Variants in FGF13 observed in about 807,000 individuals in gnomAD.
FGF13 encodes fibroblast growth factor 13, also known as fibroblast growth factor homologous factor 2.
FGF13 carries 2 observed loss-of-function variants against 19.5 expected under a neutral mutation model. The ratio of observed to expected loss-of-function variants is 0.10; its 90% CI spans 0.04 to 0.32. The LOEUF is 0.32. FGF13 is among the 10% of genes least tolerant of loss of function. The pLI, the probability that FGF13 is intolerant of heterozygous loss-of-function variation, is 1.00. For missense variants in FGF13, 113 were observed against 192.7 expected, an observed-to-expected ratio of 0.59 and a Z score of 2.45; for synonymous variants, 72 against 76.9, an observed-to-expected ratio of 0.94 and a Z score of 0.33.
chrX:138,711,880 C>T (rs1290723717), upstream of FGF13, among the ~76,000 whole-genome samples: 8 of 107,473 alleles, frequency 7.4e-5, no homozygotes, highest in African/African-American at 2.7e-4. Flanking sequence ...CGCACTGCCC[C>T]AGTCGTCCAA....
In FGF13 at chrX:138,622,041, T is replaced by C. The variant is rs1000005691; in HGVS notation, c.*10809A>G. 2.9e-5 allele frequency: 3 copies of C among 102,185 alleles called. No homozygotes were observed. Among genetic ancestry groups the C allele is most frequent in the Non-Finnish European group, 4.0e-5 (2 of 50,606 alleles). The allele number at this position is 102,185 out of a possible 1,213,427, so 8.4% of individuals were successfully genotyped here. A position where few individuals can be genotyped will look rare whatever the true frequency, so the allele number is the denominator to read the frequency against. On this transcript the variant is annotated 3_prime_UTR_variant, in exon 5 of 5. Transcript: ENST00000315930. ...ACATTTAAAGAAAATCTAATATCAA[T>C]CCTTCTCAAATCTTCCAAAAAAAAA... is the stretch of plus-strand genomic sequence containing the variant.
chrX:138,969,995 C>T (rs1397588690), intron 1 of FGF13, among the ~76,000 whole-genome samples: 2 of 111,296 alleles, frequency 1.8e-5, no homozygotes, highest in Admixed American at 9.5e-5. Context: ...GTACACACCC[C>T]GGATGCTATG....
chrX:139,060,771 A>G (rs1349186379), intron 1 of FGF13, among the ~76,000 whole-genome samples: 1 of 111,335 alleles, frequency 9.0e-6, no homozygotes, highest in African/African-American at 3.3e-5. Context: ...TTTGGAGAAC[A>G]TATTATTTAC....
chrX:138,853,692 T>A (rs748616832), downstream of FGF13, among the ~76,000 whole-genome samples: 6 of 110,041 alleles, frequency 5.5e-5, no homozygotes, highest in Non-Finnish European at 9.5e-5. Flanking sequence ...CTCAAATGCC[T>A]GATAAAAAGA....
chrX:138,811,107 A>G (rs755375471), intron 3 of FGF13, among the ~76,000 whole-genome samples: 1 of 112,310 alleles, frequency 8.9e-6, no homozygotes, highest in South Asian at 3.7e-4. Context: ...ATATACTCAA[A>G]GGATTATAAA....
intron 1 of FGF13, among the ~76,000 whole-genome samples, chrX:139,016,253 T>A (rs1870239305): frequency 8.9e-6 from 1 of 112,074 alleles, no homozygotes; most frequent in Admixed American, 9.5e-5. Flanking sequence ...TTCAAAATAA[T>A]ATCTGTTTGC....
intron 1 of FGF13, among the ~76,000 whole-genome samples, chrX:138,935,549 T>G (rs777255065): frequency 8.9e-6 from 1 of 112,205 alleles, no homozygotes; most frequent in Non-Finnish European, 1.9e-5. Context: ...ATTAAAGGCT[T>G]TGAATGCTCA....
At chrX:138,897,122 A>T (rs2091508318) in intron 1 of FGF13, among the ~76,000 whole-genome samples, 3 of 111,137 alleles carry the variant, frequency 2.7e-5, no homozygotes, top group African/African-American at 9.8e-5. Context: ...ACATTCTTCC[A>T]CCTCAGCCTC....
At chrX:139,141,697 G>A (rs2083847016) in intron 1 of FGF13, among the ~76,000 whole-genome samples, 1 of 112,430 alleles carries the variant, frequency 8.9e-6, no homozygotes, top group South Asian at 3.7e-4. Flanking sequence ...CGTCAGGTTT[G>A]TACATCTCCT....
At chrX:138,961,017 C>A (rs1381914092) in intron 1 of FGF13, among the ~76,000 whole-genome samples, 1 of 111,381 alleles carries the variant, frequency 9.0e-6, no homozygotes, top group Non-Finnish European at 1.9e-5. Context: ...TCTGTCAACT[C>A]GTCAAGGTCA....
At chrX:138,822,372 GCT>G (rs1239997182) in intron 3 of FGF13, among the ~76,000 whole-genome samples, 2 of 111,989 alleles carry the variant, frequency 1.8e-5, no homozygotes, top group Non-Finnish European at 3.8e-5. Context: ...ATTACCAAAA[GCT>G]ACCTGGGTTC....
intron 3 of FGF13, among the ~76,000 whole-genome samples, chrX:138,746,625 G>A (rs1420596153): frequency 1.8e-5 from 2 of 111,670 alleles, no homozygotes; most frequent in African/African-American, 6.6e-5. Flanking sequence ...AGAGCCACAA[G>A]GGCATAGACT....
chrX:138,881,445 C>G (rs895685618), intron 1 of FGF13, among the ~76,000 whole-genome samples: 1 of 111,582 alleles, frequency 9.0e-6, no homozygotes, highest in Non-Finnish European at 1.9e-5. Context: ...AGGAAGTGTT[C>G]CCTTCTCTTC....
At chrX:138,855,281 G>A (rs982971865), downstream of FGF13, among the ~76,000 whole-genome samples, 3 of 111,366 alleles carry the variant, frequency 2.7e-5, no homozygotes, top group Non-Finnish European at 5.7e-5. Context: ...GTTTTCTTTC[G>A]CCCCCATCTA....
In FGF13 at chrX:138,625,753, A is replaced by G. The variant is rs1330374917; in HGVS notation, c.*7097T>C. On this transcript the variant is annotated 3_prime_UTR_variant, in exon 5 of 5. Coordinates refer to ENST00000315930, the MANE Select transcript of FGF13 (RefSeq NM_004114.5). The stretch of plus-strand genomic sequence containing the variant: ...AGGGGGTGAGGTAACGTGGAGCTGT[A>G]AAAAAAATTATTTTAATTTTTCACC... 1.8e-5 allele frequency: 2 copies of G among 108,741 alleles called. No individual in the cohort carries two copies. Among genetic ancestry groups the G allele is most frequent in the African/African-American group, 6.7e-5 (2 of 29,962 alleles). 9.0% of individuals were successfully genotyped at this position (108,741 alleles called of 1,213,427 possible).
At chrX:138,790,667 C>G in intron 3 of FGF13, among the ~76,000 whole-genome samples, 1 of 111,864 alleles carries the variant, frequency 8.9e-6, no homozygotes, top group Non-Finnish European at 1.9e-5. Context: ...AAATGTCTGC[C>G]TCTAATCCTA....
In FGF13 at chrX:138,950,234, T is replaced by C. The variant is rs182553342; in HGVS notation, c.-112-85584A>G. ...AGATATATTCTGTGAGTACCATTCC[T>C]GAACACAGAAGAGAAATCTATCAAA... On this transcript the variant is annotated intron_variant, in intron 1 of 2. Coordinates refer to the FGF13 transcript ENST00000421460. Among the ~76,000 whole-genome samples the C allele has an allele frequency of 6.0e-3, 646 of 106,890 alleles. 7 individuals carry two copies. Among genetic ancestry groups the C allele is most frequent in the African/African-American group, 0.022 (577 of 26,048 alleles). The allele number at this position is 106,890 out of a possible 115,157, so 92.8% of individuals were successfully genotyped here.
intron 1 of FGF13, among the ~76,000 whole-genome samples, chrX:138,969,210 G>A (rs1002185349): frequency 3.6e-5 from 4 of 111,866 alleles, no homozygotes; most frequent in African/African-American, 1.3e-4. Context: ...CTGTAGTATA[G>A]GTAGTAGGAA....
chrX:138,921,440 C>G (rs1050069307), intron 1 of FGF13, among the ~76,000 whole-genome samples: 3 of 111,572 alleles, frequency 2.7e-5, no homozygotes, highest in Non-Finnish European at 5.7e-5. Flanking sequence ...ATTCTTACTC[C>G]AATGTAGCCC....
Sources: allele counts gnomAD v4.1 joint callset (sites outside exome capture counted in the v4.1 genomes callset), GRCh38; gene constraint gnomAD v4.1.1; transcripts MANE v1.5; gene names NCBI Gene and HGNC (gene_info 2026-07-23, HGNC 2026-07-21).